Variants in DOCK9 observed in about 807,000 individuals in gnomAD.
DOCK9 encodes the protein dedicator of cytokinesis protein 9.
In DOCK9, 89 loss-of-function variants were observed where a neutral mutation model predicts 263.3. The observed-to-expected ratio is 0.34, with a 90% CI of 0.28 to 0.40. The LOEUF (loss-of-function observed/expected upper bound fraction) is 0.40, where lower values mean the gene tolerates loss of function less well. Ranked by LOEUF, DOCK9 falls within the 10% of genes least tolerant of loss-of-function variation. DOCK9 has a pLI of 1.00. For synonymous variants in DOCK9, 976 were observed against 973.1 expected (o/e 1.00, Z -0.06); for missense variants, 2,140 against 2,603.4 (o/e 0.82, Z 3.87).
Position 98,867,413 on chromosome 13 carries a change from A to G in DOCK9, c.3286+12T>C. 2.1e-6 allele frequency: 3 copies of G among 1,415,776 alleles called. No individual in the cohort carries two copies. The South Asian group carries it at 3.6e-5, about 17-fold the overall frequency. The allele number at this position is 1,415,776 out of a possible 1,614,324, so 87.7% of individuals were successfully genotyped here. ...GTTTGTGAAAAGGTTAATAGAAATA[A>G]AGATGGATTACCTTGGTATCTTTGA... is the stretch of plus-strand genomic sequence containing the variant. On this transcript the variant is annotated intron_variant, in intron 30 of 52. Coordinates refer to ENST00000682017, the MANE Select transcript of DOCK9 (RefSeq NM_001366683.2).
chr13:98,964,441 G>A lies in DOCK9; in HGVS notation c.127-8890C>T, dbSNP rs571068023. On this transcript the variant is annotated intron_variant, in intron 1 of 52. Transcript: ENST00000682017. Reference sequence around the variant, plus strand: ...TTGAACAAGCCAGCCAGGATTCAGGGCAGATTGAGGATTCCCTGCAGAGAA... The same window carrying A: ...TTGAACAAGCCAGCCAGGATTCAGGACAGATTGAGGATTCCCTGCAGAGAA... Among the ~76,000 whole-genome samples the A allele has an allele frequency of 1.1e-4, 17 of 152,300 alleles. No homozygotes were observed. The East Asian group carries it at 1.9e-3, about 17-fold the overall frequency.
intron 1 of DOCK9, among the ~76,000 whole-genome samples, chr13:99,014,508 G>A (rs1885069628): frequency 1.3e-5 from 2 of 152,090 alleles, no homozygotes; most frequent in Non-Finnish European, 2.9e-5. Context: ...CTGGGTTCCC[G>A]CAGGCTGGGA....
chr13:98,815,861 T>C (rs2091795879), intron 45 of DOCK9, among the ~76,000 whole-genome samples: 1 of 152,192 alleles, frequency 6.6e-6, no homozygotes. Context: ...AAATCTACAA[T>C]GACACCCTGT....
intron 2 of DOCK9, among the ~76,000 whole-genome samples, chr13:98,952,833 A>C (rs1371179733): frequency 6.6e-6 from 1 of 152,218 alleles, no homozygotes; most frequent in African/African-American, 2.4e-5. Flanking sequence ...CTATTATTTT[A>C]ATAGTTAACT....
In DOCK9 at chr13:98,855,900, T is replaced by C; in HGVS notation, c.3829A>G (p.Lys1277Glu). Reference sequence around the variant, plus strand: ...TGTGTTGGGTGAAAAGCAATTACCTTATCCAGGGAATTGCTCTTCTCACTA... The same window carrying C: ...TGTGTTGGGTGAAAAGCAATTACCTCATCCAGGGAATTGCTCTTCTCACTA... ...RNSEKSNSLD[K>E]HQQSSTLGNS... is the part of the protein sequence containing the mutation. The change falls in exon 34 of 53, where the codon AAG becomes GAG. Residue 1277 changes from lysine (K) to glutamate (E), a missense_variant and splice_region_variant. Around this residue, in one of 2 missense-constraint regions of DOCK9, gnomAD observed 1,521 missense variants for 1,741.7 expected, o/e 0.87. Transcript: ENST00000682017. The C allele has an allele frequency of 6.2e-7, 1 of 1,613,932 alleles. No individual in the cohort carries two copies. Among genetic ancestry groups the C allele is most frequent in the Non-Finnish European group, 8.5e-7 (1 of 1,179,820 alleles).
At chr13:98,970,850 T>C (rs1426259227) in intron 1 of DOCK9, among the ~76,000 whole-genome samples, 1 of 151,892 alleles carries the variant, frequency 6.6e-6, no homozygotes, top group Non-Finnish European at 1.5e-5. Flanking sequence ...TCTTGTTATC[T>C]CCTGCCTAGA....
rs559067055 is a variant in DOCK9 at position 98,861,933 on chromosome 13, A to G, written c.3579+1086T>C. Among the ~76,000 whole-genome samples the G allele has an allele frequency of 2.0e-5, 3 of 152,308 alleles. No homozygotes were observed. The South Asian group carries it at 6.2e-4, about 32-fold the overall frequency. The stretch of plus-strand genomic sequence containing the variant: ...AATCTGACAGAGGGAGAGAAACTGT[A>G]GCCCACAGAGGTGGCCTTTCTTAGA... On this transcript the variant is annotated intron_variant, in intron 32 of 52. Coordinates refer to ENST00000682017, the MANE Select transcript of DOCK9 (RefSeq NM_001366683.2).
Position 98,884,971 on chromosome 13 carries a change from C to A in DOCK9, c.2382G>T (p.Arg794Ser), listed in dbSNP as rs2142880917. 1 of 1,612,474 alleles carries A rather than the reference C, an allele frequency of 6.2e-7. No individual in the cohort carries two copies. Among genetic ancestry groups the A allele is most frequent in the South Asian group, 1.1e-5 (1 of 90,742 alleles). The change falls in exon 21 of 53, where the codon AGG (arginine) becomes AGT (serine). Residue 794 changes from arginine to serine, a missense_variant and splice_region_variant. Coordinates refer to ENST00000682017, the MANE Select transcript of DOCK9 (RefSeq NM_001366683.2). ...GACCCAATCTTAAAATGGGACATAC[C>A]CTGCCCATCCCAAGCTCCTGGTAGC... ...YLGYQELGMGRHYGPEIKWVD... is the reference protein window; with the variant it reads ...YLGYQELGMGSHYGPEIKWVD...
At chr13:98,927,957 A>G (rs1222865986) in intron 3 of DOCK9, among the ~76,000 whole-genome samples, 1 of 150,738 alleles carries the variant, frequency 6.6e-6, no homozygotes, top group East Asian at 1.9e-4. Context: ...GAAAATAATT[A>G]CAGTTTATTA....
At chr13:98,851,479 C>T (rs569325462) in intron 35 of DOCK9, among the ~76,000 whole-genome samples, 1 of 152,278 alleles carries the variant, frequency 6.6e-6, no homozygotes, top group African/African-American at 2.4e-5. Flanking sequence ...CTGTGGCCAC[C>T]CTCAGCACAC....
Position 98,849,084 on chromosome 13 carries a change from T to C in DOCK9, c.4014-445A>G, listed in dbSNP as rs565658080. ...ATATGGATTATACACACCAAGTGTG[T>C]AGTTTTTAAAAATATATATCTAACA... On this transcript the variant is annotated intron_variant, in intron 36 of 52. Transcript: ENST00000682017. Among the ~76,000 whole-genome samples, 6 of 151,600 alleles carry C rather than the reference T, an allele frequency of 4.0e-5. No homozygotes were observed. In the East Asian group the frequency reaches 1.2e-3, roughly 30 times the overall value.
chr13:98,991,578 T>G (rs1879813766), intron 1 of DOCK9, among the ~76,000 whole-genome samples: 1 of 152,094 alleles, frequency 6.6e-6, no homozygotes, highest in South Asian at 2.1e-4. Context: ...GAATAATATT[T>G]GAATATACTG....
chr13:98,867,024 A>G (rs2094046667), intron 30 of DOCK9: 1 of 412,874 alleles, frequency 2.4e-6, no homozygotes, highest in Non-Finnish European at 4.6e-6. Flanking sequence ...TTTTTAGAGG[A>G]GGAAAATGCA....
At position 98,920,942 on chromosome 13, in the gene DOCK9, T is replaced by C. The variant is rs754031635; in HGVS notation, c.717+12A>G. ...TAAGAAAACATAATGGTAAAACTCT[T>C]TTCATATTTACCTGAACGACACCCA... On this transcript the variant is annotated intron_variant, in intron 7 of 52. Coordinates refer to ENST00000682017, the MANE Select transcript of DOCK9 (RefSeq NM_001366683.2). 6.3e-7 allele frequency: 1 copy of C among 1,586,024 alleles called. No individual in the cohort carries two copies. Among genetic ancestry groups the C allele is most frequent in the South Asian group, 1.2e-5 (1 of 86,334 alleles).
At chr13:98,870,007 A>G (rs7332239) in intron 27 of DOCK9, among the ~76,000 whole-genome samples, 88,496 of 152,036 alleles carry the variant, frequency 0.58, 26,033 homozygotes, top group Admixed American at 0.65. Context: ...CTGCCTACCA[A>G]CTCATGATTG....
intron 1 of DOCK9, among the ~76,000 whole-genome samples, chr13:99,073,156 C>A (rs1478168451): frequency 6.6e-6 from 1 of 152,134 alleles, no homozygotes; most frequent in Admixed American, 6.5e-5. Flanking sequence ...ATAACCATCG[C>A]AACCAGATAT....
At chr13:98,827,086 G>T (rs1168501579) in intron 43 of DOCK9, among the ~76,000 whole-genome samples, 199 bp from the exon 44 acceptor site, 1 of 152,194 alleles carries the variant, frequency 6.6e-6, no homozygotes, top group East Asian at 1.9e-4. Flanking sequence ...AATTAATTGG[G>T]AGTTGAGATA....
intron 38 of DOCK9, 111 bp downstream of exon 38, chr13:98,845,813 G>A: frequency 7.1e-7 from 1 of 1,417,596 alleles, no homozygotes; most frequent in Non-Finnish European, 9.6e-7. Flanking sequence ...TACTTGCTTT[G>A]AGCTAGAAGA....
chr13:99,072,965 C>T (rs2041746635), intron 1 of DOCK9, among the ~76,000 whole-genome samples: 1 of 152,170 alleles, frequency 6.6e-6, no homozygotes, highest in African/African-American at 2.4e-5. Flanking sequence ...CACCACTGCA[C>T]TCCAGCCTGG....
Sources: allele counts gnomAD v4.1 joint callset (sites outside exome capture counted in the v4.1 genomes callset), GRCh38; gene constraint gnomAD v4.1.1; regional missense constraint gnomAD v4.1.1; transcripts MANE v1.5; gene names NCBI Gene and HGNC (gene_info 2026-07-23, HGNC 2026-07-21).